The following CFDP1 variants were observed in gnomAD, a reference collection of about 807,000 sequenced individuals.
CFDP1 encodes the protein chromatin remodeling protein CFDP1, also known as heterochromatin-stabilizing protein CFDP1.
Under a neutral mutation model 40.1 loss-of-function variants are expected in CFDP1, and 31 were observed. The ratio of observed to expected loss-of-function variants is 0.77; its 90% CI spans 0.58 to 1.04. CFDP1 has a LOEUF of 1.04. CFDP1 is among the 50% of genes least tolerant of loss of function. The probability of loss-of-function intolerance (pLI) is 0.00; values close to 1 mark genes in which losing one functional copy is unlikely to be tolerated. For missense variants in CFDP1, 423 were observed against 343.4 expected (o/e 1.23, Z -1.83); for synonymous variants, 167 against 120.0 (o/e 1.39, Z -2.56).
At chr16:75,331,577 T>A (rs2078446190) in intron 5 of CFDP1, among the ~76,000 whole-genome samples, 1 of 152,220 alleles carries the variant, frequency 6.6e-6, no homozygotes, top group Admixed American at 6.5e-5. Context: ...CTATTCTGAT[T>A]TTTATAATCA....
intron 1 of CFDP1, among the ~76,000 whole-genome samples, chr16:75,416,584 C>A (rs748033445): frequency 1.3e-5 from 2 of 151,680 alleles, no homozygotes; most frequent in Non-Finnish European, 2.9e-5. Context: ...AACTGTGAAA[C>A]CCTGTCTCTA....
intron 5 of CFDP1, 106 bp downstream of exon 5, chr16:75,394,984 T>TTC: frequency 2.9e-6 from 4 of 1,358,300 alleles, no homozygotes; most frequent in Non-Finnish European, 4.1e-6. Flanking sequence ...AGCATCATAA[T>TTC]TCTCTCTCTC....
chr16:75,360,738 A>G (rs1443733111), intron 5 of CFDP1, among the ~76,000 whole-genome samples: 1 of 152,222 alleles, frequency 6.6e-6, no homozygotes, highest in East Asian at 1.9e-4. Flanking sequence ...TTATCTCTTA[A>G]GATGTTTGAT....
chr16:75,359,360 G>C (rs2078666895), intron 5 of CFDP1, among the ~76,000 whole-genome samples: 1 of 152,104 alleles, frequency 6.6e-6, no homozygotes, highest in South Asian at 2.1e-4. Flanking sequence ...TTTTCCAACA[G>C]GAAAAGAAAG....
intron 5 of CFDP1, among the ~76,000 whole-genome samples, chr16:75,373,058 A>C (rs933698964): frequency 2.0e-5 from 3 of 152,214 alleles, no homozygotes; most frequent in African/African-American, 4.8e-5. Flanking sequence ...ACTCTGGCCC[A>C]GAGATAAAAG....
chr16:75,390,877 G>T (rs2078943354), intron 5 of CFDP1, among the ~76,000 whole-genome samples: 2 of 152,170 alleles, frequency 1.3e-5, no homozygotes, highest in Non-Finnish European at 2.9e-5. Context: ...ATTATTACCA[G>T]CCCCAGGGAG....
In CFDP1 at chr16:75,433,290, C is replaced by A; in HGVS notation, c.63G>T (p.Ser21=). ...CTCGCCTCAGGCGGAATCGCTCACC[C>A]GACGGCACGTAGTCCTCGTCCTCCT... is the stretch of plus-strand genomic sequence containing the variant. The part of the protein sequence containing the change: ...TSEEDEDYVP[S]GGEYSEDDVN... The change falls in exon 1 of 7, where the codon TCG becomes TCT. Residue 21 remains serine, a splice_region_variant and synonymous_variant. Coordinates refer to ENST00000283882, the MANE Select transcript of CFDP1 (RefSeq NM_006324.3). 6.3e-7 allele frequency: 1 copy of A among 1,598,620 alleles called. No individual in the cohort carries two copies. The highest frequency in any genetic ancestry group is 2.3e-5 in the East Asian group (1 of 44,400).
At chr16:75,409,673 G>A (rs990123077) in intron 4 of CFDP1, among the ~76,000 whole-genome samples, 7 of 152,052 alleles carry the variant, frequency 4.6e-5, no homozygotes, top group Admixed American at 4.6e-4. Context: ...GGAGACACGT[G>A]CTAAAGTATT....
intron 4 of CFDP1, among the ~76,000 whole-genome samples, chr16:75,405,353 CAT>C (rs1428849444): frequency 1.3e-5 from 2 of 152,114 alleles, no homozygotes; most frequent in Non-Finnish European, 2.9e-5. Context: ...AGGTGCCAGG[CAT>C]GATGACTCAT....
intron 5 of CFDP1, among the ~76,000 whole-genome samples, chr16:75,389,311 C>T (rs1356897875): frequency 6.6e-6 from 1 of 152,176 alleles, no homozygotes; most frequent in African/African-American, 2.4e-5. Flanking sequence ...AATTTAGACA[C>T]ATTAAGCTTT....
intron 5 of CFDP1, among the ~76,000 whole-genome samples, chr16:75,319,575 A>G (rs1315049785): frequency 6.6e-6 from 1 of 152,136 alleles, no homozygotes; most frequent in Non-Finnish European, 1.5e-5. Flanking sequence ...CATCCGCAAC[A>G]TCGTTTGCTC....
At chr16:75,326,984 G>A (rs753384433) in intron 5 of CFDP1, among the ~76,000 whole-genome samples, 70 of 152,184 alleles carry the variant, frequency 4.6e-4, no homozygotes, top group Admixed American at 9.8e-4. Flanking sequence ...ATCAAAACGG[G>A]AATAGGCCGG....
intron 5 of CFDP1, among the ~76,000 whole-genome samples, chr16:75,320,909 A>G (rs1156667896): frequency 2.0e-5 from 3 of 152,202 alleles, no homozygotes; most frequent in Non-Finnish European, 4.4e-5. Flanking sequence ...AATATAAGCT[A>G]CTAAATGTAC....
intron 5 of CFDP1, among the ~76,000 whole-genome samples, chr16:75,323,413 C>G (rs906905744): frequency 2.6e-5 from 4 of 151,716 alleles, no homozygotes; most frequent in Admixed American, 2.6e-4. Flanking sequence ...GAAGGACCTG[C>G]CTGAGGCTGT....
At chr16:75,294,852 C>G (rs761320856) in intron 6 of CFDP1, among the ~76,000 whole-genome samples, 4 of 152,114 alleles carry the variant, frequency 2.6e-5, no homozygotes, top group Non-Finnish European at 5.9e-5. Flanking sequence ...TCCCTCTGTC[C>G]TCCAGGCAGG....
In CFDP1 at chr16:75,429,826, G is replaced by A. The variant is rs77088536; in HGVS notation, c.64+3463C>T. On this transcript the variant is annotated intron_variant, in intron 1 of 6. Transcript: ENST00000283882. The stretch of plus-strand genomic sequence containing the variant: ...TTAGAGTCAAATTAGCAGTGTCGAC[G>A]AAAAGAGTCAAACTCTTGTCAAGTA... Among the ~76,000 whole-genome samples the A allele has an allele frequency of 6.0e-3, 913 of 152,236 alleles. 9 individuals are homozygous for A. Among genetic ancestry groups the A allele is most frequent in the African/African-American group, 0.017 (719 of 41,532 alleles).
intron 1 of CFDP1, among the ~76,000 whole-genome samples, chr16:75,432,370 TAA>T (rs55961935): frequency 0.069 from 7,275 of 105,524 alleles, 247 homozygotes; most frequent in Middle Eastern, 0.18. Context: ...ATGCCATTTC[TAA>T]AAAAAAAAAA....
chr16:75,423,139 G>A (rs528900362), intron 1 of CFDP1, among the ~76,000 whole-genome samples: 1 of 151,938 alleles, frequency 6.6e-6, no homozygotes, highest in South Asian at 2.1e-4. Context: ...AAATTAGCCG[G>A]GCCTTGTGGT....
In CFDP1 at chr16:75,346,499, C is replaced by A. The variant is rs575915661; in HGVS notation, c.651-41317G>T. ...TCGGGAGGCTAAGGCAGGAGAATGG[C>A]GTGAACCTGGGAGACGGAGCTTGCA... On this transcript the variant is annotated intron_variant, in intron 5 of 6. Coordinates refer to ENST00000283882, the MANE Select transcript of CFDP1 (RefSeq NM_006324.3). Among the ~76,000 whole-genome samples, 3 of 142,074 alleles carry A rather than the reference C, an allele frequency of 2.1e-5. No homozygotes were observed. The South Asian group carries it at 6.9e-4, about 32-fold the overall frequency. 93.2% of individuals were successfully genotyped at this position (142,074 alleles called of 152,430 possible).
Sources: gnomAD v4.1 joint callset for allele counts (sites outside exome capture counted in the v4.1 genomes callset) on GRCh38, gnomAD v4.1.1 for gene constraint, MANE v1.5 for transcripts, NCBI Gene and HGNC (gene_info 2026-07-23, HGNC 2026-07-21) for gene names.